Variants in IQCM observed in about 807,000 individuals in gnomAD.
IQCM encodes IQ domain-containing protein M.
A neutral mutation model predicts 57.6 loss-of-function variants in IQCM; 45 were observed. The ratio of observed to expected loss-of-function variants is 0.78; its 90% CI spans 0.62 to 1.00. The LOEUF (loss-of-function observed/expected upper bound fraction) is 1.00, where lower values mean the gene tolerates loss of function less well. Among genes scored for constraint, IQCM ranks in the 50% least tolerant of loss-of-function variants. The probability of loss-of-function intolerance (pLI) is 0.00; values close to 1 mark genes in which losing one functional copy is unlikely to be tolerated. For synonymous variants in IQCM, 148 were observed against 158.9 expected (o/e 0.93, Z 0.51); for missense variants, 468 against 511.6 (o/e 0.91, Z 0.82).
chr4:149,530,429 C>G (rs1030736997), intron 12 of IQCM, among the ~76,000 whole-genome samples: 7 of 152,028 alleles, frequency 4.6e-5, no homozygotes, highest in African/African-American at 1.7e-4. Context: ...AGAGAAAACT[C>G]TATGTATCTA....
chr4:149,786,850 A>T (rs1772123262), intron 2 of IQCM, among the ~76,000 whole-genome samples: 1 of 152,214 alleles, frequency 6.6e-6, no homozygotes, highest in Admixed American at 6.5e-5. Context: ...AAGAATATAA[A>T]TCATTCTACT....
intron 7 of IQCM, among the ~76,000 whole-genome samples, chr4:149,677,892 T>C (rs1761885443): frequency 1.3e-5 from 2 of 151,882 alleles, no homozygotes; most frequent in South Asian, 4.1e-4. Flanking sequence ...TTTGCTGAAC[T>C]GAAAAATTCA....
At chr4:149,421,828 T>C (rs2111220811) in intron 13 of IQCM, among the ~76,000 whole-genome samples, 1 of 152,178 alleles carries the variant, frequency 6.6e-6, no homozygotes, top group Admixed American at 6.6e-5. Flanking sequence ...ATGTTAACTT[T>C]AAAGACATTT....
At chr4:149,429,702 A>G (rs1734692054) in intron 13 of IQCM, among the ~76,000 whole-genome samples, 1 of 151,896 alleles carries the variant, frequency 6.6e-6, no homozygotes, top group African/African-American at 2.4e-5. Flanking sequence ...TCCCAGAGCT[A>G]TCTTCCCTAA....
At chr4:149,430,762 AGTT>A (rs901037443) in intron 13 of IQCM, among the ~76,000 whole-genome samples, 3 of 151,960 alleles carry the variant, frequency 2.0e-5, no homozygotes, top group Admixed American at 6.6e-5. Flanking sequence ...TAGTTATTTG[AGTT>A]GTTTCTATTA....
rs377049374 is a variant in IQCM, at chr4:149,648,231, G to A, written c.566-26987C>T. ...TTATAATTGTCTATTTTTTCCATTG[G>A]TTTTTGTACCTTTTGCATTGTTTCC... On this transcript the variant is annotated intron_variant, in intron 7 of 13. Coordinates refer to ENST00000636793, the MANE Select transcript of IQCM (RefSeq NM_001363507.2). Among the ~76,000 whole-genome samples, 10 of 151,930 alleles carry A rather than the reference G, an allele frequency of 6.6e-5. No homozygotes were observed. The East Asian group carries it at 1.6e-3, about 24-fold the overall frequency.
chr4:149,787,115 G>C (rs1772145015), intron 2 of IQCM, among the ~76,000 whole-genome samples: 1 of 152,090 alleles, frequency 6.6e-6, no homozygotes. Flanking sequence ...ACTCAAAAGT[G>C]GGAGTTGAAC....
chr4:149,666,128 C>CT (rs1379218596), intron 7 of IQCM: 1 of 152,620 alleles, frequency 6.6e-6, no homozygotes, highest in Non-Finnish European at 1.5e-5. Context: ...ATAAACTCCC[C>CT]TTCATTCCTG....
intron 8 of IQCM, among the ~76,000 whole-genome samples, chr4:149,603,183 T>C (rs1008838269): frequency 6.6e-6 from 1 of 152,260 alleles, no homozygotes; most frequent in African/African-American, 2.4e-5. Context: ...AGTATTGTTA[T>C]AGTAATTATG....
At chr4:149,743,033 G>A (rs1198507268) in intron 2 of IQCM, among the ~76,000 whole-genome samples, 2 of 152,178 alleles carry the variant, frequency 1.3e-5, no homozygotes, top group East Asian at 3.8e-4. Flanking sequence ...GCTTAGAGAA[G>A]TAAAATAGCT....
At position 149,483,797 on chromosome 4, in the gene IQCM, G is replaced by A. The variant is rs551244351; in HGVS notation, c.1229-50240C>T. On this transcript the variant is annotated intron_variant, in intron 12 of 13. Transcript: ENST00000636793. ...ATCTACTAGTTCATTTTTTTCTATAGTGCAAATCAAGTTTGAGCTTTCTTT... is the reference window on the plus strand; with the variant it reads ...ATCTACTAGTTCATTTTTTTCTATAATGCAAATCAAGTTTGAGCTTTCTTT... Among the ~76,000 whole-genome samples, 12 of 151,984 alleles carry A rather than the reference G, an allele frequency of 7.9e-5. No homozygotes were observed. In the East Asian group the frequency reaches 2.3e-3, roughly 29 times the overall value.
intron 9 of IQCM, among the ~76,000 whole-genome samples, chr4:149,573,216 T>G (rs1033593747): frequency 6.6e-6 from 1 of 151,144 alleles, no homozygotes; most frequent in Non-Finnish European, 1.5e-5. Flanking sequence ...ATTATATAAT[T>G]GTAACTTTTA....
At chr4:149,444,111 T>C (rs1360220011) in intron 12 of IQCM, among the ~76,000 whole-genome samples, 2 of 145,044 alleles carry the variant, frequency 1.4e-5, no homozygotes, top group Non-Finnish European at 3.1e-5. Context: ...TTCAACAGTT[T>C]AGAGGTTTCG....
chr4:149,601,843 G>A (rs1754325354), intron 8 of IQCM, among the ~76,000 whole-genome samples: 1 of 152,106 alleles, frequency 6.6e-6, no homozygotes. Context: ...CAGATCCCAA[G>A]ATCGAGACCA....
chr4:149,697,701 C>T (rs1763444757), intron 5 of IQCM, among the ~76,000 whole-genome samples: 2 of 152,038 alleles, frequency 1.3e-5, no homozygotes, highest in African/African-American at 2.4e-5. Context: ...CATTCTATTG[C>T]CTTCATTGTG....
chr4:149,472,099 T>C (rs1016242572), intron 12 of IQCM, among the ~76,000 whole-genome samples: 13 of 152,118 alleles, frequency 8.5e-5, no homozygotes, highest in Non-Finnish European at 1.9e-4. Context: ...CTATTTAACA[T>C]AGTGTTGGAA....
chr4:149,751,556 A>C (rs1322966537), intron 2 of IQCM, among the ~76,000 whole-genome samples: 1 of 151,956 alleles, frequency 6.6e-6, no homozygotes, highest in Non-Finnish European at 1.5e-5. Flanking sequence ...AATTTCCTTA[A>C]CCCTCATAGA....
chr4:149,441,969 A>G (rs991412658), intron 12 of IQCM, among the ~76,000 whole-genome samples: 1 of 152,060 alleles, frequency 6.6e-6, no homozygotes, highest in African/African-American at 2.4e-5. Flanking sequence ...TAGATTAAGA[A>G]GGCCATCACT....
intron 7 of IQCM, among the ~76,000 whole-genome samples, chr4:149,665,479 A>G (rs1396189825): frequency 6.6e-6 from 1 of 152,138 alleles, no homozygotes; most frequent in African/African-American, 2.4e-5. Context: ...GCTGTCCTAT[A>G]CATCCATGCT....
Sources: gnomAD v4.1 joint callset for allele counts (sites outside exome capture counted in the v4.1 genomes callset) on GRCh38, gnomAD v4.1.1 for gene constraint, MANE v1.5 for transcripts, NCBI Gene and HGNC (gene_info 2026-07-23, HGNC 2026-07-21) for gene names.